The following KRCC1 variants were observed in gnomAD, a reference collection of about 807,000 sequenced individuals.
The protein encoded by KRCC1 is lysine rich coiled-coil 1, also known as lysine-rich coiled-coil protein 1.
In KRCC1, 3 loss-of-function variants were observed where a neutral mutation model predicts 7.4. That is an observed-to-expected ratio of 0.40 (90% CI 0.18 to 1.04). The LOEUF is 1.04. KRCC1 is among the 50% of genes least tolerant of loss of function. KRCC1 has a pLI of 0.33. For synonymous variants in KRCC1, 102 were observed against 101.6 expected, an observed-to-expected ratio of 1.00 and a Z score of -0.02; for missense variants, 277 against 300.9, an observed-to-expected ratio of 0.92 and a Z score of 0.59.
intron 2 of KRCC1, among the ~76,000 whole-genome samples, chr2:88,036,006 C>A (rs1673083472): frequency 6.6e-6 from 1 of 152,150 alleles, no homozygotes; most frequent in Non-Finnish European, 1.5e-5. Context: ...AATCCAAGTT[C>A]TCTCAATCCA....
chr2:88,055,191 CAA>C (rs1271060040), intron 1 of KRCC1, among the ~76,000 whole-genome samples: 5 of 151,852 alleles, frequency 3.3e-5, no homozygotes, highest in Non-Finnish European at 5.9e-5. Context: ...CGTCCTACGT[CAA>C]AGTCTCTACT....
At chr2:88,052,328 A>AT (rs1673509107) in intron 1 of KRCC1, among the ~76,000 whole-genome samples, 2 of 152,184 alleles carry the variant, frequency 1.3e-5, no homozygotes, top group South Asian at 4.1e-4. Flanking sequence ...TGTCTTATGC[A>AT]TTTTTTGCAA....
chr2:88,054,741 G>C (rs1673574413), intron 1 of KRCC1, among the ~76,000 whole-genome samples: 1 of 152,164 alleles, frequency 6.6e-6, no homozygotes, highest in Non-Finnish European at 1.5e-5. Context: ...TCTGTCAGGA[G>C]TTGCGGAATA....
chr2:88,048,298 T>C (rs1673390542), intron 1 of KRCC1, among the ~76,000 whole-genome samples: 1 of 152,094 alleles, frequency 6.6e-6, no homozygotes, highest in Non-Finnish European at 1.5e-5. Flanking sequence ...GTCAAGCTGG[T>C]CTCTAACTCC....
rs186435974 is a variant in KRCC1 at position 88,044,815 on chromosome 2, C to T, written c.-290-7764G>A. Among the ~76,000 whole-genome samples the T allele has an allele frequency of 1.6e-3, 236 of 151,156 alleles. 2 individuals carry two copies. Among genetic ancestry groups the T allele is most frequent in the African/African-American group, 5.5e-3 (226 of 41,164 alleles). On this transcript the variant is annotated intron_variant, in intron 1 of 3. Coordinates refer to ENST00000347055, the MANE Select transcript of KRCC1 (RefSeq NM_016618.3). ...AAATAACTAGAACTCCCATACATTG[C>T]TGGCTAAAATGTCAAATGGTACAAT...
At chr2:88,049,242 T>C (rs892004405) in intron 1 of KRCC1, among the ~76,000 whole-genome samples, 2 of 152,250 alleles carry the variant, frequency 1.3e-5, no homozygotes, top group South Asian at 2.1e-4. Flanking sequence ...AAGTACTCTA[T>C]GGCTAGCTAC....
At chr2:88,031,592 A>G (rs1672992132) in intron 3 of KRCC1, among the ~76,000 whole-genome samples, 1 of 152,098 alleles carries the variant, frequency 6.6e-6, no homozygotes, top group East Asian at 1.9e-4. Context: ...ACTGCACTCC[A>G]GCCTGGGCAA....
intron 1 of KRCC1, among the ~76,000 whole-genome samples, chr2:88,037,629 G>A (rs372612830): frequency 1.3e-5 from 2 of 152,072 alleles, no homozygotes; most frequent in Non-Finnish European, 2.9e-5. Flanking sequence ...GGCTGGTCTC[G>A]AACTCCCGCG....
intron 3 of KRCC1, 57 bp from the exon 4 acceptor site, chr2:88,028,642 C>CTAA: frequency 1.5e-6 from 1 of 682,160 alleles, no homozygotes; most frequent in Non-Finnish European, 2.2e-6. Context: ...ATTTCCTTTG[C>CTAA]TCTTTTTTTT....
intron 1 of KRCC1, among the ~76,000 whole-genome samples, chr2:88,048,737 T>C (rs1673400622): frequency 6.6e-6 from 1 of 152,240 alleles, no homozygotes; most frequent in Admixed American, 6.5e-5. Flanking sequence ...GCGGTGAGAA[T>C]GGACATCCTT....
At chr2:88,043,978 C>T (rs557886077) in intron 1 of KRCC1, among the ~76,000 whole-genome samples, 14 of 152,212 alleles carry the variant, frequency 9.2e-5, no homozygotes, top group East Asian at 1.9e-4. Context: ...CCCGGCCTCA[C>T]GTTACTAATT....
At chr2:88,051,281 G>A (rs2104629245) in intron 1 of KRCC1, among the ~76,000 whole-genome samples, 1 of 152,280 alleles carries the variant, frequency 6.6e-6, no homozygotes, top group East Asian at 1.9e-4. Context: ...CAATACAGAG[G>A]AGTTCCTCAG....
chr2:88,039,558 C>T (rs1328443183), intron 1 of KRCC1, among the ~76,000 whole-genome samples: 2 of 151,896 alleles, frequency 1.3e-5, no homozygotes, highest in Admixed American at 1.3e-4. Flanking sequence ...CATGTTGGCA[C>T]ATGCCTGTAA....
Position 88,032,687 on chromosome 2 carries a change from C to T in KRCC1, c.-23+1447G>A, listed in dbSNP as rs115334653. 4.3e-3 allele frequency among the ~76,000 whole-genome samples: 656 copies of T among 152,180 alleles called. 5 individuals carry two copies. Among genetic ancestry groups the T allele is most frequent in the African/African-American group, 0.015 (625 of 41,472 alleles). On this transcript the variant is annotated intron_variant, in intron 3 of 3. Coordinates refer to ENST00000347055, the MANE Select transcript of KRCC1 (RefSeq NM_016618.3). ...CAACAGGTGAATGGATTAAATCAAA[C>T]AGTGGTATAACGATACAATGAAATA...
intron 1 of KRCC1, 90 bp downstream of exon 1, chr2:88,055,536 C>G (rs1673602645): frequency 6.6e-6 from 1 of 151,892 alleles, no homozygotes; most frequent in South Asian, 2.1e-4. Context: ...GGGGCGCGCC[C>G]GGCGGGCTGG....
At chr2:88,055,459 G>A (rs1673599622) in intron 1 of KRCC1, among the ~76,000 whole-genome samples, 167 bp downstream of exon 1, 1 of 151,878 alleles carries the variant, frequency 6.6e-6, no homozygotes, top group African/African-American at 2.4e-5. Flanking sequence ...GTCTCTTTCC[G>A]GGGGCGGCGG....
chr2:88,045,960 G>T (rs766941240), intron 1 of KRCC1, among the ~76,000 whole-genome samples: 2 of 152,130 alleles, frequency 1.3e-5, no homozygotes, highest in African/African-American at 4.8e-5. Context: ...GATTACAGGC[G>T]TGAGCCACCG....
intron 1 of KRCC1, among the ~76,000 whole-genome samples, chr2:88,043,595 A>C (rs538086188): frequency 1.3e-5 from 2 of 152,338 alleles, no homozygotes; most frequent in African/African-American, 4.8e-5. Context: ...CAAGCGACCT[A>C]TTAATAACCT....
At chr2:88,051,958 T>C (rs1261233874) in intron 1 of KRCC1, among the ~76,000 whole-genome samples, 1 of 152,048 alleles carries the variant, frequency 6.6e-6, no homozygotes, top group Non-Finnish European at 1.5e-5. Flanking sequence ...GGAACTGTCT[T>C]GTGTATTTTA....
Sources: gnomAD v4.1 joint callset for allele counts (sites outside exome capture counted in the v4.1 genomes callset) on GRCh38, gnomAD v4.1.1 for gene constraint, MANE v1.5 for transcripts, NCBI Gene and HGNC (gene_info 2026-07-23, HGNC 2026-07-21) for gene names.